MTF2: variants seen among roughly 807,000 people sequenced by gnomAD.
The protein encoded by MTF2 is metal response element binding transcription factor 2, also known as metal-response element-binding transcription factor 2.
MTF2 carries 11 observed loss-of-function variants against 79.5 expected under a neutral mutation model. The ratio of observed to expected loss-of-function variants is 0.14; its 90% CI spans 0.09 to 0.23. The LOEUF is 0.23. Ranked by LOEUF, MTF2 falls within the 10% of genes least tolerant of loss-of-function variation. MTF2 has a pLI of 1.00. For synonymous variants in MTF2, 208 were observed against 232.8 expected, an observed-to-expected ratio of 0.89 and a Z score of 0.97; for missense variants, 486 against 711.2, an observed-to-expected ratio of 0.68 and a Z score of 3.60.
chr1:93,080,877 T>G (rs2101007238), intron 1 of MTF2: 1 of 152,266 alleles, frequency 6.6e-6, no homozygotes, highest in Admixed American at 6.5e-5. Context: ...GAAAATGCTT[T>G]AAAGGGAGTT....
intron 9 of MTF2, among the ~76,000 whole-genome samples, chr1:93,121,980 TTA>T (rs1656502944): frequency 2.6e-5 from 4 of 152,152 alleles, no homozygotes; most frequent in Admixed American, 2.6e-4. Flanking sequence ...TTTTGTATTT[TTA>T]GTAGAGATGG....
chr1:93,101,897 T>C (rs978504643), intron 1 of MTF2, among the ~76,000 whole-genome samples: 2 of 152,084 alleles, frequency 1.3e-5, no homozygotes, highest in African/African-American at 4.8e-5. Context: ...CAATTTTCAG[T>C]GTACAGTTCA....
intron 10 of MTF2, 122 bp downstream of exon 10, chr1:93,127,421 A>T: frequency 3.2e-6 from 2 of 618,216 alleles, no homozygotes; most frequent in Non-Finnish European, 5.7e-6. Context: ...TTTAAACTTT[A>T]TAATGTCCTA....
intron 5 of MTF2, 62 bp from the exon 6 acceptor site, chr1:93,115,408 G>A (rs1656211501): frequency 8.7e-6 from 9 of 1,030,560 alleles, no homozygotes; most frequent in African/African-American, 3.3e-5. Context: ...CGTTTTTAAA[G>A]TATAGAATTG....
At chr1:93,131,709 A>T (rs1238925656) in intron 11 of MTF2, among the ~76,000 whole-genome samples, 1 of 152,148 alleles carries the variant, frequency 6.6e-6, no homozygotes, top group Non-Finnish European at 1.5e-5. Flanking sequence ...TAGATGGGAG[A>T]TAGTTGGAAC....
intron 9 of MTF2, 93 bp downstream of exon 9, chr1:93,120,765 C>A: frequency 6.5e-7 from 1 of 1,527,818 alleles, no homozygotes; most frequent in South Asian, 1.3e-5. Context: ...ATGTATAAGT[C>A]AGACAACTAA....
Position 93,110,308 on chromosome 1 carries a change from G to T in MTF2, c.84G>T (p.Leu28Phe), listed in dbSNP as rs1343847574. 3 of 1,614,086 alleles carry T rather than the reference G, an allele frequency of 1.9e-6. No homozygotes were observed. The highest frequency in any genetic ancestry group is 2.5e-6 in the Non-Finnish European group (3 of 1,180,008). Residue 28 changes from leucine to phenylalanine, a missense_variant, in exon 2 of 15, where the codon TTG (leucine) becomes TTT (phenylalanine). Leu to Phe is a conservative substitution (Grantham distance 22). Transcript: ENST00000370298. ...LRRNQKTPTS[L>F]TKLSLQDGHK... Reference sequence around the variant, plus strand: ...GAAACCAAAAGACCCCAACATCCTTGACCAAGCTGTCTTTACAGGATGGAC... The same window carrying T: ...GAAACCAAAAGACCCCAACATCCTTTACCAAGCTGTCTTTACAGGATGGAC...
intron 1 of MTF2, among the ~76,000 whole-genome samples, chr1:93,098,084 A>G (rs1303116776): frequency 1.3e-5 from 2 of 151,958 alleles, no homozygotes; most frequent in African/African-American, 2.4e-5. Context: ...TTGTTTGTTT[A>G]GTGTTATTTA....
At chr1:93,118,935 C>G (rs1222395566) in intron 7 of MTF2, among the ~76,000 whole-genome samples, 1 of 152,212 alleles carries the variant, frequency 6.6e-6, no homozygotes, top group Non-Finnish European at 1.5e-5. Flanking sequence ...ACTTAATTTT[C>G]TTTCTGACCT....
rs910725415 is a variant in MTF2, at chr1:93,091,466, G to A, written c.5+11935G>A. 2.6e-5 allele frequency among the ~76,000 whole-genome samples: 4 copies of A among 152,118 alleles called. No homozygotes were observed. In the South Asian group the frequency reaches 6.2e-4, roughly 24 times the overall value. ...CCACTTCAGCCTCCCAAAGTGCTGG[G>A]ATTATAGGTGACAGCCACTGTGCTT... On this transcript the variant is annotated intron_variant, in intron 1 of 14. Coordinates refer to ENST00000370298, the MANE Select transcript of MTF2 (RefSeq NM_007358.4).
chr1:93,101,666 C>T, intron 1 of MTF2, among the ~76,000 whole-genome samples: 1 of 146,806 alleles, frequency 6.8e-6, no homozygotes, highest in East Asian at 2.1e-4. Flanking sequence ...CAGCCTCGAC[C>T]TCCCAGGCTC....
chr1:93,097,169 T>G (rs1655326360), intron 1 of MTF2, among the ~76,000 whole-genome samples: 1 of 152,200 alleles, frequency 6.6e-6, no homozygotes. Context: ...TTTTGGAGTC[T>G]TACGGCATTG....
chr1:93,127,824 T>TA (rs1254131635), intron 10 of MTF2, among the ~76,000 whole-genome samples: 2 of 42 alleles, frequency 0.048, no homozygotes, highest in Non-Finnish European at 0.071. Flanking sequence ...TTATTTTTAC[T>TA]TTTTTTTTAA....
rs1049585668 is a variant in MTF2, at chr1:93,094,674, C to CTT, written c.5+15147_5+15148dup. Among the ~76,000 whole-genome samples the CTT allele has an allele frequency of 2.6e-5, 4 of 151,146 alleles. No individual in the cohort carries two copies. The South Asian group carries it at 8.4e-4, about 32-fold the overall frequency. On this transcript the variant is annotated intron_variant, in intron 1 of 14. Coordinates refer to ENST00000370298, the MANE Select transcript of MTF2 (RefSeq NM_007358.4). ...AGAGGCTTACCAGGTTCAGGTTTGC[C>CTT]TTTTTGGGGGGTGGGGTGGGCAAGA...
intron 1 of MTF2, among the ~76,000 whole-genome samples, chr1:93,080,734 T>A (rs1013591273): frequency 6.6e-6 from 1 of 152,040 alleles, no homozygotes; most frequent in Non-Finnish European, 1.5e-5. Flanking sequence ...TGGTTTCAAT[T>A]TCCATGGTTT....
intron 7 of MTF2, 96 bp downstream of exon 7, chr1:93,118,536 G>C: frequency 1.3e-6 from 1 of 794,628 alleles, no homozygotes; most frequent in African/African-American, 1.8e-5. Context: ...AGTTTCAACA[G>C]TGATTTGGAA....
Position 93,082,752 on chromosome 1 carries a change from A to T in MTF2, c.5+3221A>T, listed in dbSNP as rs376346604. Among the ~76,000 whole-genome samples, 7 of 152,024 alleles carry T rather than the reference A, an allele frequency of 4.6e-5. No homozygotes were observed. The South Asian group carries it at 8.3e-4, about 18-fold the overall frequency. On this transcript the variant is annotated intron_variant, in intron 1 of 14. Transcript: ENST00000370298. Reference sequence around the variant, plus strand: ...TTCTTTGAAGGTGTACAGTTCAGTGATTTTTTTTAGTATACTCACAAAGTT... The same window carrying T: ...TTCTTTGAAGGTGTACAGTTCAGTGTTTTTTTTTAGTATACTCACAAAGTT...
intron 1 of MTF2, among the ~76,000 whole-genome samples, chr1:93,087,755 A>C (rs927922041): frequency 2.6e-5 from 4 of 152,172 alleles, no homozygotes; most frequent in Admixed American, 2.6e-4. Context: ...TATCTAGAAT[A>C]ACTTTGTCTC....
intron 3 of MTF2, among the ~76,000 whole-genome samples, chr1:93,111,178 A>G (rs1313131516): frequency 1.3e-5 from 2 of 152,286 alleles, no homozygotes; most frequent in Middle Eastern, 3.4e-3. Context: ...GATGATTTCT[A>G]TTATTAGAAA....
Sources: allele counts gnomAD v4.1 joint callset (sites outside exome capture counted in the v4.1 genomes callset), GRCh38; gene constraint gnomAD v4.1.1; transcripts MANE v1.5; gene names NCBI Gene and HGNC (gene_info 2026-07-23, HGNC 2026-07-21).